The following ARHGEF26 variants were observed in gnomAD, a reference collection of about 807,000 sequenced individuals.
ARHGEF26 encodes Rho guanine nucleotide exchange factor 26, also known as Rho guanine nucleotide exchange factor (GEF) 26.
A neutral mutation model predicts 89.4 loss-of-function variants in ARHGEF26; 59 were observed. The ratio of observed to expected loss-of-function variants is 0.66; its 90% CI spans 0.54 to 0.82. The LOEUF is 0.82. Ranked by LOEUF, ARHGEF26 falls within the 40% of genes least tolerant of loss-of-function variation. The pLI, the probability that ARHGEF26 is intolerant of heterozygous loss-of-function variation, is 0.00. For missense variants in ARHGEF26, 1,234 were observed against 1,085.6 expected, an observed-to-expected ratio of 1.14 and a Z score of -1.92; for synonymous variants, 500 against 428.4, an observed-to-expected ratio of 1.17 and a Z score of -2.06.
rs751867119 is a variant in ARHGEF26, at chr3:154,122,987, G to C, written c.995G>C (p.Ser332Thr). 5 of 1,613,856 alleles carry C rather than the reference G, an allele frequency of 3.1e-6. No individual in the cohort carries two copies. In the Admixed American group the frequency reaches 8.3e-5, roughly 27 times the overall value. The change falls in exon 2 of 15, where the codon AGC becomes ACC. Residue 332 changes from serine to threonine, a missense_variant. Ser to Thr is a moderately conservative substitution (Grantham distance 58). Coordinates refer to ENST00000465093, the MANE Select transcript of ARHGEF26 (RefSeq NM_015595.4). ...VSGFDFDSPT[S>T]SKKKNRMSQP... ...GGCTTTGATTTTGACAGTCCTACCA[G>C]CTCGAAGAAGAAGAACAGAATGTCC...
chr3:154,191,723 A>C (rs979647803), intron 8 of ARHGEF26, among the ~76,000 whole-genome samples: 1 of 152,166 alleles, frequency 6.6e-6, no homozygotes, highest in Admixed American at 6.5e-5. Context: ...TTCCAATTCT[A>C]GCTAAGCCAT....
intron 5 of ARHGEF26, among the ~76,000 whole-genome samples, chr3:154,152,331 G>C (rs1720072123): frequency 6.6e-6 from 1 of 152,164 alleles, no homozygotes; most frequent in African/African-American, 2.4e-5. Context: ...AGGAAGGTGT[G>C]AGAAATTTTC....
intron 9 of ARHGEF26, among the ~76,000 whole-genome samples, chr3:154,205,725 A>T (rs966546320): frequency 6.6e-6 from 1 of 152,130 alleles, no homozygotes; most frequent in Non-Finnish European, 1.5e-5. Context: ...TAACAGCACT[A>T]TTTGCATAAG....
At chr3:154,225,643 T>G in intron 10 of ARHGEF26, 1 of 404,960 alleles carries the variant, frequency 2.5e-6, no homozygotes, top group Non-Finnish European at 4.3e-6. Context: ...AGTTAATAGT[T>G]TTTTATAGTG....
At chr3:154,126,437 T>C (rs1433056305) in intron 3 of ARHGEF26, among the ~76,000 whole-genome samples, 1 of 152,150 alleles carries the variant, frequency 6.6e-6, no homozygotes, top group Non-Finnish European at 1.5e-5. Context: ...CCATATCCGG[T>C]CTTTCACCAG....
intron 9 of ARHGEF26, among the ~76,000 whole-genome samples, chr3:154,216,329 C>T (rs959820299): frequency 1.3e-4 from 19 of 151,722 alleles, no homozygotes; most frequent in Admixed American, 2.6e-4. Flanking sequence ...ACTCATTAAA[C>T]GACTGTGAAA....
chr3:154,169,641 A>T (rs1188529617), intron 6 of ARHGEF26, among the ~76,000 whole-genome samples: 2 of 152,198 alleles, frequency 1.3e-5, no homozygotes, highest in Non-Finnish European at 2.9e-5. Flanking sequence ...ATTGTAAGTT[A>T]GAGTTCTAGT....
At chr3:154,241,013 G>T (rs1717454661) in intron 12 of ARHGEF26, among the ~76,000 whole-genome samples, 1 of 152,136 alleles carries the variant, frequency 6.6e-6, no homozygotes, top group Admixed American at 6.5e-5. Context: ...AAAGCCCAAT[G>T]ATTTCTGTCA....
chr3:154,214,405 T>C (rs1453738932), intron 9 of ARHGEF26, among the ~76,000 whole-genome samples: 1 of 151,758 alleles, frequency 6.6e-6, no homozygotes, highest in Admixed American at 6.6e-5. Flanking sequence ...TAGAGAGAAG[T>C]GAACAGCAGG....
At chr3:154,162,221 G>T (rs1711708691) in intron 6 of ARHGEF26, among the ~76,000 whole-genome samples, 1 of 152,118 alleles carries the variant, frequency 6.6e-6, no homozygotes, top group African/African-American at 2.4e-5. Flanking sequence ...AAACAAGCAG[G>T]ACCACACAGT....
chr3:154,142,807 G>T (rs946770406), intron 4 of ARHGEF26, among the ~76,000 whole-genome samples: 4 of 152,178 alleles, frequency 2.6e-5, no homozygotes, highest in Admixed American at 6.5e-5. Flanking sequence ...TCTCAGTTAC[G>T]CAGACTCCTT....
At chr3:154,188,706 CTATGGAGGAGTAGGGG>C (rs2108180337) in intron 7 of ARHGEF26, among the ~76,000 whole-genome samples, 1 of 152,248 alleles carries the variant, frequency 6.6e-6, no homozygotes, top group African/African-American at 2.4e-5. Context: ...TGTGAGACCC[CTATGGAGGAGTAGGGG>C]TTGAGGATGA....
intron 6 of ARHGEF26, among the ~76,000 whole-genome samples, chr3:154,154,905 T>G (rs746620686): frequency 1.3e-5 from 2 of 152,046 alleles, no homozygotes; most frequent in Non-Finnish European, 2.9e-5. Flanking sequence ...CTGCTATATA[T>G]TAGCCATTCT....
At chr3:154,138,551 G>A (rs1274322476) in intron 4 of ARHGEF26, among the ~76,000 whole-genome samples, 1 of 152,202 alleles carries the variant, frequency 6.6e-6, no homozygotes, top group African/African-American at 2.4e-5. Flanking sequence ...GAACAGTGAA[G>A]TGTTGGGATA....
At position 154,215,409 on chromosome 3, in the gene ARHGEF26, T is replaced by C. The variant is rs556500110; in HGVS notation, c.1846-2460T>C. Reference sequence around the variant, plus strand: ...ATCTCAGTCTGTGATTTTTTTTTTTTTGCCTTTTGTCTGCCCTTCCGTGAG... The same window carrying C: ...ATCTCAGTCTGTGATTTTTTTTTTTCTGCCTTTTGTCTGCCCTTCCGTGAG... On this transcript the variant is annotated intron_variant, in intron 9 of 14. Transcript: ENST00000465093. Among the ~76,000 whole-genome samples the C allele has an allele frequency of 8.0e-4, 122 of 152,228 alleles. 3 individuals are homozygous for C. The highest frequency in any genetic ancestry group is 7.9e-3 in the Admixed American group (121 of 15,294).
chr3:154,123,717 C>T (rs1718146186), intron 2 of ARHGEF26, among the ~76,000 whole-genome samples: 1 of 152,152 alleles, frequency 6.6e-6, no homozygotes, highest in South Asian at 2.1e-4. Context: ...CCCATTCATC[C>T]TTGAGTGCAT....
intron 10 of ARHGEF26, among the ~76,000 whole-genome samples, chr3:154,220,630 C>G (rs1391867689): frequency 1.3e-5 from 2 of 152,200 alleles, no homozygotes; most frequent in South Asian, 2.1e-4. Flanking sequence ...GGCAAACACT[C>G]CTGCGGACAG....
intron 3 of ARHGEF26, among the ~76,000 whole-genome samples, chr3:154,127,600 AT>A (rs59102588): frequency 2.9e-3 from 405 of 139,690 alleles, no homozygotes; most frequent in African/African-American, 5.9e-3. Context: ...ACAGTTAACT[AT>A]TTTTTTTTTT....
rs1390209944 is a variant in ARHGEF26 at position 154,122,111 on chromosome 3, A to G, written c.119A>G (p.Tyr40Cys). Reference sequence around the variant, plus strand: ...CGGAGCAAGCCGAGGCCCCAGTCCTACCAGAGCCCCAACGGGTTACTAATT... The same window carrying G: ...CGGAGCAAGCCGAGGCCCCAGTCCTGCCAGAGCCCCAACGGGTTACTAATT... ...LGRSKPRPQS[Y>C]QSPNGLLITD... The change falls in exon 2 of 15, where the codon TAC becomes TGC. Residue 40 changes from tyrosine (Y) to cysteine (C), a missense_variant. Physicochemically the swap from Tyr to Cys is radical, Grantham distance 194. Transcript: ENST00000465093. The G allele has an allele frequency of 6.2e-7, 1 of 1,609,928 alleles. No individual in the cohort carries two copies. Among genetic ancestry groups the G allele is most frequent in the Non-Finnish European group, 8.5e-7 (1 of 1,178,060 alleles).
Sources: allele counts gnomAD v4.1 joint callset (sites outside exome capture counted in the v4.1 genomes callset), GRCh38; gene constraint gnomAD v4.1.1; transcripts MANE v1.5; gene names NCBI Gene and HGNC (gene_info 2026-07-23, HGNC 2026-07-21).